Variants in SFI1 observed in about 807,000 individuals in gnomAD.
The protein encoded by SFI1 is protein SFI1 homolog.
Under a neutral mutation model 207.5 loss-of-function variants are expected in SFI1, and 195 were observed. The ratio of observed to expected loss-of-function variants is 0.94; its 90% CI spans 0.84 to 1.06. The LOEUF is 1.06. Among genes scored for constraint, SFI1 ranks in the 50% least tolerant of loss-of-function variants. The pLI is 0.00. For synonymous variants in SFI1, 630 were observed against 598.9 expected, an observed-to-expected ratio of 1.05 and a Z score of -0.76; for missense variants, 1,634 against 1,588.0, an observed-to-expected ratio of 1.03 and a Z score of -0.49.
intron 5 of SFI1, among the ~76,000 whole-genome samples, chr22:31,549,322 A>ATT (rs1602525771): frequency 7.0e-6 from 1 of 142,958 alleles, no homozygotes; most frequent in Non-Finnish European, 1.5e-5. Flanking sequence ...AAAAGACAAG[A>ATT]TTGTCATTCC....
intron 18 of SFI1, 31 bp from the exon 19 acceptor site, chr22:31,604,278 C>T: frequency 6.5e-7 from 1 of 1,541,742 alleles, no homozygotes; most frequent in South Asian, 1.2e-5. Context: ...AGACCCCAGC[C>T]CACGGTAGCT....
At chr22:31,592,838 C>T (rs1268704249) in intron 15 of SFI1, among the ~76,000 whole-genome samples, 34 of 132,760 alleles carry the variant, frequency 2.6e-4, no homozygotes, top group Admixed American at 1.7e-3. Context: ...CCGGACGGGG[C>T]GGCTGGCCAG....
At chr22:31,569,090 C>T (rs1289711168) in intron 8 of SFI1, among the ~76,000 whole-genome samples, 2 of 152,030 alleles carry the variant, frequency 1.3e-5, no homozygotes, top group Admixed American at 6.6e-5. Flanking sequence ...CTCCAAGAAA[C>T]CAGAGGGTTA....
At chr22:31,614,037 G>A (rs1871090200) in intron 27 of SFI1, 182 bp downstream of exon 27, 2 of 804,486 alleles carry the variant, frequency 2.5e-6, no homozygotes, top group Non-Finnish European at 3.7e-6. Context: ...AAGAGGGAGA[G>A]AATGGAGTGG....
chr22:31,522,877 A>G (rs2057443118), intron 2 of SFI1, among the ~76,000 whole-genome samples: 1 of 152,106 alleles, frequency 6.6e-6, no homozygotes, highest in African/African-American at 2.4e-5. Context: ...GATGGTCTTG[A>G]TCTTTTGACC....
chr22:31,501,121 A>G (rs2146363124), intron 1 of SFI1, among the ~76,000 whole-genome samples: 3 of 151,196 alleles, frequency 2.0e-5, no homozygotes, highest in South Asian at 4.2e-4. Flanking sequence ...TAAGGTATGT[A>G]CATTAGTTTT....
chr22:31,558,359 C>G (rs1263846264), intron 7 of SFI1, among the ~76,000 whole-genome samples: 1 of 151,534 alleles, frequency 6.6e-6, no homozygotes, highest in Non-Finnish European at 1.5e-5. Context: ...AAGACCCTAT[C>G]TCTACACACA....
intron 15 of SFI1, among the ~76,000 whole-genome samples, chr22:31,594,874 A>AG: frequency 6.6e-6 from 1 of 150,778 alleles, no homozygotes; most frequent in Non-Finnish European, 1.5e-5. Context: ...AAAAAAAAAA[A>AG]AAATTAGAAA....
At chr22:31,591,475 C>T (rs1325328112) in intron 15 of SFI1, among the ~76,000 whole-genome samples, 2 of 151,562 alleles carry the variant, frequency 1.3e-5, no homozygotes, top group Admixed American at 6.6e-5. Flanking sequence ...TCTCAATGAG[C>T]TATTGGGCAC....
In SFI1 at chr22:31,613,162, G is replaced by C; in HGVS notation, c.2511G>C (p.Glu837Asp). ...CCTAGCTGGCAGCCAGGAGGCAGGA[G>C]CAGCGGGCGACAGTGCGGGCCCTGT... is the stretch of plus-strand genomic sequence containing the variant. Reference protein sequence around the residue: ...WRQQLAARRQEQRATVRALWF... With the variant: ...WRQQLAARRQDQRATVRALWF... The change falls in exon 25 of 33, where the codon GAG becomes GAC. Residue 837 changes from glutamate to aspartate, a missense_variant. Physicochemically the swap from Glu to Asp is conservative, Grantham distance 45. Transcript: ENST00000400288. 1.2e-6 allele frequency: 2 copies of C among 1,613,686 alleles called. No individual in the cohort carries two copies. Among genetic ancestry groups the C allele is most frequent in the East Asian group, 4.5e-5 (2 of 44,878 alleles).
rs1240644561 is a variant in SFI1, at chr22:31,591,587, G to A, written c.1544+2010G>A. ...CACCTCCCGGACGGGGCGGCTGGCC[G>A]GGCAGGGGGGCTGACCCCCCCCACC... On this transcript the variant is annotated intron_variant, in intron 15 of 32. Coordinates refer to ENST00000400288, the MANE Select transcript of SFI1 (RefSeq NM_001007467.3). 2.8e-4 allele frequency among the ~76,000 whole-genome samples: 37 copies of A among 132,304 alleles called. 1 individual carries two copies. The South Asian group carries it at 4.5e-3, about 16-fold the overall frequency. The allele number at this position is 132,304 out of a possible 152,430, so 86.8% of individuals were successfully genotyped here.
chr22:31,598,818 G>A (rs1168816197), intron 15 of SFI1, among the ~76,000 whole-genome samples: 2 of 117,404 alleles, frequency 1.7e-5, no homozygotes, highest in African/African-American at 6.9e-5. Context: ...TTTTGAGATG[G>A]AGTCTTGCTC....
chr22:31,572,373 A>G (rs1399590050), intron 8 of SFI1, among the ~76,000 whole-genome samples: 1 of 152,150 alleles, frequency 6.6e-6, no homozygotes, highest in Middle Eastern at 3.2e-3. Context: ...GCATCCCTGG[A>G]ACTAATCTGC....
chr22:31,542,891 A>G (rs1467167396), intron 4 of SFI1, among the ~76,000 whole-genome samples: 1 of 151,148 alleles, frequency 6.6e-6, no homozygotes, highest in Non-Finnish European at 1.5e-5. Context: ...CAAACTCCTG[A>G]GCTCAAGGGA....
intron 15 of SFI1, among the ~76,000 whole-genome samples, chr22:31,591,141 T>A (rs1285018788): frequency 6.6e-6 from 1 of 152,116 alleles, no homozygotes; most frequent in Non-Finnish European, 1.5e-5. Flanking sequence ...TGTCCCTGGT[T>A]ACTTGAGATT....
At chr22:31,543,388 A>G (rs540806388) in intron 4 of SFI1, among the ~76,000 whole-genome samples, 1 of 152,330 alleles carries the variant, frequency 6.6e-6, no homozygotes, top group South Asian at 2.1e-4. Flanking sequence ...AGCACATGGC[A>G]TTGATTAATT....
intron 2 of SFI1, among the ~76,000 whole-genome samples, chr22:31,522,917 G>A (rs1490633861): frequency 2.6e-5 from 4 of 152,188 alleles, no homozygotes; most frequent in Admixed American, 2.0e-4. Context: ...GACTCCCAAA[G>A]TGCTGGGATT....
At chr22:31,577,842 C>G (rs2063693684) in intron 10 of SFI1, 1 of 152,324 alleles carries the variant, frequency 6.6e-6, no homozygotes, top group Admixed American at 6.5e-5. Context: ...GGCTCACTTA[C>G]CAGTCTACGT....
intron 4 of SFI1, 109 bp downstream of exon 4, chr22:31,531,238 C>A: frequency 2.4e-6 from 2 of 827,782 alleles, no homozygotes; most frequent in Non-Finnish European, 3.9e-6. Flanking sequence ...ACATTCCTCC[C>A]CAGCCTCCAG....
Sources: gnomAD v4.1 joint callset for allele counts (sites outside exome capture counted in the v4.1 genomes callset) on GRCh38, gnomAD v4.1.1 for gene constraint, MANE v1.5 for transcripts, NCBI Gene and HGNC (gene_info 2026-07-23, HGNC 2026-07-21) for gene names.